MAGI2: variants seen among roughly 807,000 people sequenced by gnomAD.
MAGI2 encodes membrane-associated guanylate kinase, WW and PDZ domain-containing protein 2.
Under a neutral mutation model 133.3 loss-of-function variants are expected in MAGI2, and 35 were observed. The ratio of observed to expected loss-of-function variants is 0.26; its 90% confidence interval spans 0.20 to 0.35. The LOEUF (loss-of-function observed/expected upper bound fraction) is 0.35, where lower values mean the gene tolerates loss of function less well. MAGI2 is among the 10% of genes least tolerant of loss of function. The pLI is 1.00. For synonymous variants in MAGI2, 729 were observed against 710.6 expected (o/e 1.03, Z -0.41); for missense variants, 1,636 against 1,863.4 (o/e 0.88, Z 2.25).
At chr7:78,547,672 C>A (rs1798972331) in intron 3 of MAGI2, among the ~76,000 whole-genome samples, 1 of 152,208 alleles carries the variant, frequency 6.6e-6, no homozygotes, top group South Asian at 2.1e-4. Flanking sequence ...CACACTCACT[C>A]AGATTACGAC....
At chr7:78,813,325 G>C (rs1789239420) in intron 2 of MAGI2, among the ~76,000 whole-genome samples, 1 of 151,964 alleles carries the variant, frequency 6.6e-6, no homozygotes, top group Admixed American at 6.6e-5. Flanking sequence ...CAGTAATAAA[G>C]AAAAAGAATA....
At chr7:79,269,691 C>T (rs1396354477) in intron 1 of MAGI2, among the ~76,000 whole-genome samples, 1 of 152,108 alleles carries the variant, frequency 6.6e-6, no homozygotes, top group Non-Finnish European at 1.5e-5. Context: ...ATAGTTGACC[C>T]CATCTTGCTT....
intron 20 of MAGI2, among the ~76,000 whole-genome samples, chr7:78,104,067 T>C (rs1165629211): frequency 3.3e-5 from 5 of 152,170 alleles, no homozygotes; most frequent in Non-Finnish European, 7.3e-5. Context: ...GCTTCTACAA[T>C]ACTCCTGGGA....
Position 78,138,932 on chromosome 7 carries a change from C to T in MAGI2, c.2846-3726G>A, listed in dbSNP as rs145515426. 2.0e-5 allele frequency among the ~76,000 whole-genome samples: 3 copies of T among 152,210 alleles called. No individual in the cohort carries two copies. The East Asian group carries it at 5.8e-4, about 29-fold the overall frequency. On this transcript the variant is annotated intron_variant, in intron 16 of 21. Transcript: ENST00000354212. ...AGCAATTTGAATTACGAAGAGCAAG[C>T]GAATGACTATTGAGACTTAGTTTGG...
intron 2 of MAGI2, among the ~76,000 whole-genome samples, chr7:78,652,974 G>C (rs1811737758): frequency 6.6e-6 from 1 of 151,064 alleles, no homozygotes; most frequent in African/African-American, 2.4e-5. Flanking sequence ...AGTGGGCAAA[G>C]GATATGAACA....
Position 78,642,282 on chromosome 7 carries a change from A to G in MAGI2, c.419-15043T>C, listed in dbSNP as rs191025051. Among the ~76,000 whole-genome samples, 147 of 152,352 alleles carry G rather than the reference A, an allele frequency of 9.6e-4. 1 individual carries two copies. The highest frequency in any genetic ancestry group is 1.1e-3 in the Non-Finnish European group (77 of 68,036). On this transcript the variant is annotated intron_variant, in intron 2 of 21. Transcript: ENST00000354212. The stretch of plus-strand genomic sequence containing the variant: ...ATTAGCAGTTACATGATAAAGTTGT[A>G]TATGAACAATATGCATATACACATA...
At chr7:79,260,565 G>GA (rs974970095) in intron 1 of MAGI2, among the ~76,000 whole-genome samples, 40 of 152,188 alleles carry the variant, frequency 2.6e-4, no homozygotes, top group African/African-American at 8.4e-4. Flanking sequence ...TTCCTAATCT[G>GA]AAAATCCAAA....
intron 9 of MAGI2, among the ~76,000 whole-genome samples, chr7:78,258,704 T>C (rs1793239906): frequency 6.6e-6 from 1 of 152,230 alleles, no homozygotes; most frequent in African/African-American, 2.4e-5. Context: ...TATATTTTAA[T>C]ATTCTGTAAC....
intron 2 of MAGI2, among the ~76,000 whole-genome samples, chr7:78,647,801 G>A (rs1811057291): frequency 6.6e-6 from 1 of 152,132 alleles, no homozygotes; most frequent in African/African-American, 2.4e-5. Context: ...ATACACCATG[G>A]AATACTATGC....
At chr7:78,897,572 C>T (rs1164613747) in intron 2 of MAGI2, among the ~76,000 whole-genome samples, 1 of 152,158 alleles carries the variant, frequency 6.6e-6, no homozygotes, top group African/African-American at 2.4e-5. Flanking sequence ...CATAATTCCT[C>T]CAGCTTTGTT....
At chr7:78,924,626 T>A (rs1799541267) in intron 2 of MAGI2, among the ~76,000 whole-genome samples, 1 of 152,088 alleles carries the variant, frequency 6.6e-6, no homozygotes, top group African/African-American at 2.4e-5. Flanking sequence ...TTTGAATCAA[T>A]GTTCATCAAG....
At chr7:78,400,268 G>A (rs111347665) in intron 6 of MAGI2, among the ~76,000 whole-genome samples, 18 of 152,230 alleles carry the variant, frequency 1.2e-4, no homozygotes, top group African/African-American at 4.1e-4. Context: ...GTGACTGGAG[G>A]CTTTCTACTT....
chr7:78,978,496 G>A (rs1804490691), intron 2 of MAGI2, among the ~76,000 whole-genome samples: 1 of 151,662 alleles, frequency 6.6e-6, no homozygotes, highest in Non-Finnish European at 1.5e-5. Context: ...GAAGAGGGAG[G>A]GAAATGATCA....
At chr7:79,230,005 A>T (rs1459596266) in intron 1 of MAGI2, among the ~76,000 whole-genome samples, 2 of 133,908 alleles carry the variant, frequency 1.5e-5, no homozygotes, top group East Asian at 4.6e-4. Context: ...ATGTGATCTC[A>T]TTGTTCAATT....
intron 1 of MAGI2, among the ~76,000 whole-genome samples, chr7:79,296,386 C>T (rs1836929999): frequency 6.6e-6 from 1 of 152,134 alleles, no homozygotes; most frequent in Non-Finnish European, 1.5e-5. Flanking sequence ...TCTGCACTCC[C>T]GTATTTATTG....
intron 2 of MAGI2, among the ~76,000 whole-genome samples, chr7:78,838,736 T>C (rs1362015992): frequency 1.3e-5 from 2 of 151,966 alleles, no homozygotes; most frequent in African/African-American, 4.8e-5. Flanking sequence ...ACAATTAAAA[T>C]AATAACAGAA....
chr7:78,230,438 A>C (rs1023820845), intron 10 of MAGI2, among the ~76,000 whole-genome samples: 1 of 152,214 alleles, frequency 6.6e-6, no homozygotes, highest in African/African-American at 2.4e-5. Context: ...GGTGTATACA[A>C]GTTTTAAAAA....
At chr7:78,710,185 A>C (rs1819040686) in intron 2 of MAGI2, among the ~76,000 whole-genome samples, 1 of 152,196 alleles carries the variant, frequency 6.6e-6, no homozygotes, top group African/African-American at 2.4e-5. Context: ...ATAGCAGACA[A>C]GATTACACAC....
intron 9 of MAGI2, among the ~76,000 whole-genome samples, chr7:78,291,107 C>T (rs1796661311): frequency 6.6e-6 from 1 of 152,096 alleles, no homozygotes; most frequent in Admixed American, 6.6e-5. Flanking sequence ...AAAATAGAGA[C>T]ACAAAAAACC....
Sources: allele counts gnomAD v4.1 joint callset (sites outside exome capture counted in the v4.1 genomes callset), GRCh38; gene constraint gnomAD v4.1.1; transcripts MANE v1.5; gene names NCBI Gene and HGNC (gene_info 2026-07-23, HGNC 2026-07-21).